The following CUX1 variants were observed in gnomAD, a reference collection of about 807,000 sequenced individuals.
CUX1 encodes protein CASP.
In CUX1, 31 loss-of-function variants were observed where a neutral mutation model predicts 158.8. The ratio of observed to expected loss-of-function variants is 0.20; its 90% CI spans 0.15 to 0.26. The LOEUF is 0.26. Ranked by LOEUF, CUX1 falls within the 10% of genes least tolerant of loss-of-function variation. The pLI is 1.00. For missense variants in CUX1, 1,589 were observed against 2,014.6 expected (o/e 0.79, Z 4.04); for synonymous variants, 879 against 862.1 (o/e 1.02, Z -0.34).
intron 9 of CUX1, among the ~76,000 whole-genome samples, chr7:102,167,427 G>A (rs1304446549): frequency 1.3e-5 from 2 of 152,122 alleles, no homozygotes. Context: ...GTAGGCTCCC[G>A]GGGACACCTT....
rs574041344 is a variant in CUX1 at position 102,256,243 on chromosome 7, T to C, written c.*7201T>C. ...TCCCTTCCAGCACTTAATCTTGTCT[T>C]GTTGAAATGGACTGACTGCTACTGA... On this transcript the variant is annotated 3_prime_UTR_variant, in exon 24 of 24. Transcript: ENST00000292535. 3.6e-5 allele frequency: 35 copies of C among 985,458 alleles called. No individual in the cohort carries two copies. In the African/African-American group the frequency reaches 6.1e-4, roughly 17 times the overall value. 61.0% of individuals were successfully genotyped at this position (985,458 alleles called of 1,614,324 possible). A position where few individuals can be genotyped will look rare whatever the true frequency, so the allele number is the denominator to read the frequency against.
upstream of CUX1, chr7:101,817,436 G>A: frequency 2.0e-6 from 2 of 984,506 alleles, no homozygotes; most frequent in Non-Finnish European, 2.4e-6. This position sits in a 1 kb window ranked among gnomAD's most constrained non-coding sequence, Gnocchi z 4.1. Context: ...CATGCCGGGC[G>A]GTGGTCCGCG....
chr7:102,112,529 CCG>C (rs1309114667), intron 7 of CUX1, among the ~76,000 whole-genome samples: 1 of 151,788 alleles, frequency 6.6e-6, no homozygotes, highest in Non-Finnish European at 1.5e-5. Flanking sequence ...GCGTGAGCCA[CCG>C]CGCCCAGCCC....
At chr7:102,151,218 G>C (rs182951998) in intron 8 of CUX1, among the ~76,000 whole-genome samples, 3 of 152,120 alleles carry the variant, frequency 2.0e-5, no homozygotes, top group Non-Finnish European at 4.4e-5. Context: ...TTAATTCAGT[G>C]GGGGGAGGAG....
rs192327505 is a variant in CUX1 at position 101,910,023 on chromosome 7, G to A, written c.31-6092G>A. 2.8e-3 allele frequency among the ~76,000 whole-genome samples: 425 copies of A among 152,244 alleles called. 1 individual carries two copies. Among genetic ancestry groups the A allele is most frequent in the African/African-American group, 9.7e-3 (402 of 41,518 alleles). ...CAACCTCCGCCTCCCGAGTTCAAGC[G>A]ATTCTCCTGCCTCAGCCTCTCAAGT... On this transcript the variant is annotated intron_variant, in intron 1 of 23. Coordinates refer to ENST00000292535, the MANE Select transcript of CUX1 (RefSeq NM_181552.4).
At chr7:102,168,147 G>A (rs1554509344) in intron 9 of CUX1, among the ~76,000 whole-genome samples, 1 of 151,752 alleles carries the variant, frequency 6.6e-6, no homozygotes, top group Non-Finnish European at 1.5e-5. Context: ...CTACAGTCCT[G>A]GACATACAGG....
chr7:102,277,075 A>G (rs1791656398), intron 17 of CUX1, among the ~76,000 whole-genome samples: 1 of 151,530 alleles, frequency 6.6e-6, no homozygotes, highest in Non-Finnish European at 1.5e-5. Context: ...CGAAGTGGGA[A>G]GATTGCTTGA....
In CUX1 at chr7:101,882,550, G is replaced by A. The variant is rs533000934; in HGVS notation, c.31-33565G>A. Among the ~76,000 whole-genome samples, 8 of 152,298 alleles carry A rather than the reference G, an allele frequency of 5.3e-5. No homozygotes were observed. In the South Asian group the frequency reaches 1.0e-3, roughly 20 times the overall value. On this transcript the variant is annotated intron_variant, in intron 1 of 23. Coordinates refer to ENST00000292535, the MANE Select transcript of CUX1 (RefSeq NM_181552.4). ...TGAAGACACCTACAGAAATAAAGCC[G>A]GGGTGCTGTTCTTGGTCTTCATTCA...
chr7:101,937,221 A>C (rs1807050009), intron 2 of CUX1, among the ~76,000 whole-genome samples: 1 of 152,136 alleles, frequency 6.6e-6, no homozygotes, highest in African/African-American at 2.4e-5. Flanking sequence ...TCAGCACCCC[A>C]GCCCCCAGCT....
intron 1 of CUX1, among the ~76,000 whole-genome samples, chr7:101,858,419 C>G (rs1301944100): frequency 6.6e-6 from 1 of 152,202 alleles, no homozygotes; most frequent in Non-Finnish European, 1.5e-5. Context: ...CCCATCCCTT[C>G]TTGGTCCCTC....
At chr7:102,219,640 C>T (rs782103957) in intron 20 of CUX1, among the ~76,000 whole-genome samples, 12 of 152,180 alleles carry the variant, frequency 7.9e-5, no homozygotes, top group Non-Finnish European at 1.0e-4. Context: ...ACGCTGGGTA[C>T]GTCTCTGATA....
chr7:101,865,045 C>T (rs1797808753), intron 1 of CUX1, among the ~76,000 whole-genome samples: 1 of 152,092 alleles, frequency 6.6e-6, no homozygotes, highest in Non-Finnish European at 1.5e-5. Flanking sequence ...CAAAATCAGA[C>T]CAATCCTCTC....
intron 20 of CUX1, among the ~76,000 whole-genome samples, chr7:102,207,868 C>T (rs551994835): frequency 3.4e-4 from 52 of 152,276 alleles, no homozygotes; most frequent in Middle Eastern, 3.4e-3. Context: ...TGGTTTTCCT[C>T]GTCTGAATCT....
Position 102,248,799 on chromosome 7 carries a change from C to T in CUX1, c.4275C>T (p.Ala1425=), listed in dbSNP as rs1801121610. The T allele has an allele frequency of 2.4e-5, 26 of 1,085,720 alleles. No homozygotes were observed. Among genetic ancestry groups the T allele is most frequent in the Non-Finnish European group, 2.8e-5 (25 of 893,594 alleles). The allele number at this position is 1,085,720 out of a possible 1,614,324, so 67.3% of individuals were successfully genotyped here. ...AAPEDAATSA[A]AAPGEGPAAP... The stretch of plus-strand genomic sequence containing the variant: ...CCGAGGACGCCGCTACCTCAGCCGC[C>T]GCCGCGCCGGGGGAGGGCCCCGCGG... Residue 1425 remains alanine, a synonymous_variant, in exon 24 of 24, where the codon GCC becomes GCT. Coordinates refer to ENST00000292535, the MANE Select transcript of CUX1 (RefSeq NM_181552.4). This position sits in a 1 kb window ranked among gnomAD's most constrained non-coding sequence, Gnocchi z 5.8.
intron 5 of CUX1, among the ~76,000 whole-genome samples, chr7:102,098,703 C>T (rs1829452515): frequency 6.6e-6 from 1 of 150,468 alleles, no homozygotes; most frequent in Non-Finnish European, 1.5e-5. Flanking sequence ...GTGCAGTGCA[C>T]GATCTCGGCT....
chr7:102,270,702 C>G (rs1791152587), intron 14 of CUX1, among the ~76,000 whole-genome samples: 1 of 152,250 alleles, frequency 6.6e-6, no homozygotes, highest in African/African-American at 2.4e-5. Flanking sequence ...CAGGAGCTAA[C>G]CCAGTGCCCA....
intron 1 of CUX1, among the ~76,000 whole-genome samples, chr7:101,903,926 A>G (rs911340509): frequency 1.3e-5 from 2 of 152,158 alleles, no homozygotes; most frequent in Non-Finnish European, 1.5e-5. Flanking sequence ...CGTAGCTTTT[A>G]TACTCATAGA....
At chr7:102,000,495 G>C (rs1200153917) in intron 2 of CUX1, among the ~76,000 whole-genome samples, 1 of 152,214 alleles carries the variant, frequency 6.6e-6, no homozygotes, top group Non-Finnish European at 1.5e-5. Flanking sequence ...CATACCTGCA[G>C]AGCAATGTAT....
rs1830660311 is a variant in CUX1, at chr7:102,109,251, C to T, written c.531-2447C>T. Reference sequence around the variant, plus strand: ...CCATGTAAGACAAAAGGCTAATTTTCTTTATATACAAAGAGGACTTCTAAA... The same window carrying T: ...CCATGTAAGACAAAAGGCTAATTTTTTTTATATACAAAGAGGACTTCTAAA... On this transcript the variant is annotated intron_variant, in intron 6 of 23. Coordinates refer to ENST00000292535, the MANE Select transcript of CUX1 (RefSeq NM_181552.4). Among the ~76,000 whole-genome samples the T allele has an allele frequency of 2.6e-5, 4 of 152,122 alleles. No homozygotes were observed. The South Asian group carries it at 8.3e-4, about 32-fold the overall frequency.
Sources: gnomAD v4.1 joint callset for allele counts (sites outside exome capture counted in the v4.1 genomes callset) on GRCh38, gnomAD v4.1.1 for gene constraint, Gnocchi (gnomAD v3.1) non-coding constraint, MANE v1.5 for transcripts, NCBI Gene and HGNC (gene_info 2026-07-23, HGNC 2026-07-21) for gene names.